The following MBD5 variants were observed in gnomAD, a reference collection of about 807,000 sequenced individuals.
MBD5 encodes methyl-CpG binding domain protein 5, also known as methyl-CpG-binding domain protein 5.
A neutral mutation model predicts 117.3 loss-of-function variants in MBD5; 13 were observed. The observed-to-expected ratio is 0.11, with a 90% CI of 0.07 to 0.18. The LOEUF (loss-of-function observed/expected upper bound fraction) is 0.18. MBD5 is among the 10% of genes least tolerant of loss of function. MBD5 has a pLI of 1.00. For synonymous variants in MBD5, 727 were observed against 766.4 expected (o/e 0.95, Z 0.85); for missense variants, 1,879 against 2,093.8 (o/e 0.90, Z 2.00).
intron 1 of MBD5, among the ~76,000 whole-genome samples, chr2:148,159,002 G>A (rs1037972722): frequency 6.6e-6 from 1 of 152,160 alleles, no homozygotes; most frequent in South Asian, 2.1e-4. Flanking sequence ...GATTACAGGC[G>A]TGAACCACCG....
rs1205791660 is a variant in MBD5, at chr2:148,021,492, G to A, written c.-1117G>A. On this transcript the variant is annotated 5_prime_UTR_variant, in exon 1 of 14. Coordinates refer to ENST00000642680, the MANE Select transcript of MBD5 (RefSeq NM_001378120.1). ...TGCTGCTGCTGCTGTTGCTGCTGCT[G>A]CTGCTACTGCTGCTGCTGCTACTGC... The A allele has an allele frequency of 1.7e-6, 1 of 576,328 alleles. No homozygotes were observed. The allele number at this position is 576,328 out of a possible 1,614,324, so 35.7% of individuals were successfully genotyped here.
intron 4 of MBD5, among the ~76,000 whole-genome samples, chr2:148,445,237 T>G (rs1224436896): frequency 6.6e-6 from 1 of 151,208 alleles, no homozygotes; most frequent in South Asian, 2.1e-4. Flanking sequence ...GCTGCACCCA[T>G]TAACTCGTCA....
chr2:148,490,710 A>C, intron 11 of MBD5, 116 bp downstream of exon 11: 1 of 1,305,418 alleles, frequency 7.7e-7, no homozygotes, highest in Non-Finnish European at 1.1e-6. Flanking sequence ...TTCATGACTC[A>C]TTGAGGTCTC....
chr2:148,511,786 G>A (rs77243466), intron 13 of MBD5, among the ~76,000 whole-genome samples: 5,525 of 152,168 alleles, frequency 0.036, 339 homozygotes, highest in African/African-American at 0.12. Context: ...AGGAGGAATA[G>A]GCAGATTGAA....
chr2:148,049,981 G>A (rs1558903045), intron 1 of MBD5, among the ~76,000 whole-genome samples: 1 of 152,106 alleles, frequency 6.6e-6, no homozygotes. Flanking sequence ...CATCTGGGTT[G>A]CTTTCACTTT....
At chr2:148,394,545 G>GTTTTTTTTTTTTTTTTTTTTTTTTTTTTT (rs71856376) in intron 4 of MBD5, among the ~76,000 whole-genome samples, 1 of 121,854 alleles carries the variant, frequency 8.2e-6, no homozygotes, top group Admixed American at 8.1e-5. Context: ...CTGTACTTTG[G>GTTTTTTTTTTTTTTTTTTTTTTTTTTTTT]TTTTTTTTTT....
rs774148814 is a variant in MBD5, at chr2:148,469,908, A to C, written c.1965A>C (p.Ala655=). The change falls in exon 8 of 14, where the codon GCA becomes GCC. Residue 655 remains alanine (A), a synonymous_variant. Transcript: ENST00000642680. The part of the protein sequence containing the change: ...RDKLMSQQKD[A]LRKRKQPPTT... ...AGCTGATGTCTCAGCAAAAAGACGC[A>C]TTGCGGAAAAGAAAACAACCACCTA... The C allele has an allele frequency of 9.3e-6, 15 of 1,613,860 alleles. No homozygotes were observed. In the African/African-American group the frequency reaches 2.0e-4, roughly 22 times the overall value.
chr2:148,512,832 C>G lies in MBD5; in HGVS notation c.5113-38C>G, dbSNP rs368218823. The G allele has an allele frequency of 1.2e-5, 18 of 1,563,974 alleles. No homozygotes were observed. In the African/African-American group the frequency reaches 2.2e-4, roughly 19 times the overall value. On this transcript the variant is annotated intron_variant, in intron 13 of 13. Coordinates refer to ENST00000642680, the MANE Select transcript of MBD5 (RefSeq NM_001378120.1). ...TTTATGGTGTTTGTGATTTCATCCT[C>G]TGTTGTTGTTGTTTTTTTTCTACCT... is the stretch of plus-strand genomic sequence containing the variant.
At chr2:148,076,145 A>G (rs1369887180) in intron 1 of MBD5, among the ~76,000 whole-genome samples, 1 of 151,650 alleles carries the variant, frequency 6.6e-6, no homozygotes, top group African/African-American at 2.4e-5. Context: ...TACTTTACCA[A>G]TAGGAACTAA....
rs555221053 is a variant in MBD5 at position 148,449,298 on chromosome 2, G to T, written c.-556-8905G>T. On this transcript the variant is annotated intron_variant, in intron 4 of 13. Coordinates refer to ENST00000642680, the MANE Select transcript of MBD5 (RefSeq NM_001378120.1). ...CCCACCTCCTTATGTATTTTCAAAG[G>T]CACAAAGTGAAGCTTTAACCTGAAC... Among the ~76,000 whole-genome samples, 122 of 152,078 alleles carry T rather than the reference G, an allele frequency of 8.0e-4. 1 individual carries two copies. The highest frequency in any genetic ancestry group is 3.7e-3 in the Admixed American group (57 of 15,246).
At chr2:148,464,635 G>A (rs960374144) in intron 7 of MBD5, among the ~76,000 whole-genome samples, 2 of 151,750 alleles carry the variant, frequency 1.3e-5, no homozygotes, top group Non-Finnish European at 2.9e-5. Flanking sequence ...TTCTCCAATT[G>A]TCCTAACAGT....
chr2:148,270,902 CT>C, intron 3 of MBD5, among the ~76,000 whole-genome samples: 1 of 152,150 alleles, frequency 6.6e-6, no homozygotes, highest in Admixed American at 6.5e-5. Flanking sequence ...TTTTAATTCC[CT>C]TTTCCACAAA....
At chr2:148,127,323 A>T (rs1696926157) in intron 1 of MBD5, among the ~76,000 whole-genome samples, 1 of 152,152 alleles carries the variant, frequency 6.6e-6, no homozygotes, top group Non-Finnish European at 1.5e-5. Flanking sequence ...TTTGCTGGAC[A>T]GATGATCCCA....
intron 1 of MBD5, among the ~76,000 whole-genome samples, chr2:148,106,978 T>C (rs1048903275): frequency 6.6e-6 from 1 of 152,014 alleles, no homozygotes; most frequent in Non-Finnish European, 1.5e-5. Context: ...ACAGATCTTC[T>C]ATCTGTTATT....
At chr2:148,335,668 A>C (rs1363430799) in intron 3 of MBD5, among the ~76,000 whole-genome samples, 2 of 152,098 alleles carry the variant, frequency 1.3e-5, no homozygotes, top group African/African-American at 4.8e-5. Context: ...GCAGTGAGCC[A>C]TGATCGCACC....
chr2:148,400,832 C>T (rs1704897408), intron 4 of MBD5, among the ~76,000 whole-genome samples: 1 of 152,044 alleles, frequency 6.6e-6, no homozygotes, highest in South Asian at 2.1e-4. Context: ...ATTTTTTACC[C>T]TTTTATGGAT....
intron 1 of MBD5, among the ~76,000 whole-genome samples, chr2:148,030,376 G>A (rs1694005221): frequency 6.6e-6 from 1 of 152,082 alleles, no homozygotes; most frequent in Non-Finnish European, 1.5e-5. Flanking sequence ...TCCATGGAAA[G>A]ATCTCTAAGA....
At chr2:148,378,723 C>T (rs1704054590) in intron 4 of MBD5, among the ~76,000 whole-genome samples, 1 of 151,804 alleles carries the variant, frequency 6.6e-6, no homozygotes, top group African/African-American at 2.4e-5. Context: ...TTATTTAGTA[C>T]CCATATTCTA....
intron 4 of MBD5, among the ~76,000 whole-genome samples, chr2:148,404,347 G>C (rs1318861686): frequency 7.2e-6 from 1 of 138,098 alleles, no homozygotes; most frequent in South Asian, 2.5e-4. Context: ...CTATACCTAC[G>C]AGTTTGAATT....
Sources: allele counts gnomAD v4.1 joint callset (sites outside exome capture counted in the v4.1 genomes callset), GRCh38; gene constraint gnomAD v4.1.1; transcripts MANE v1.5; gene names NCBI Gene and HGNC (gene_info 2026-07-23, HGNC 2026-07-21).